WWC1: variants seen among roughly 807,000 people sequenced by gnomAD.
The protein encoded by WWC1 is protein KIBRA.
Under a neutral mutation model 138.4 loss-of-function variants are expected in WWC1, and 55 were observed. The ratio of observed to expected loss-of-function variants is 0.40; its 90% CI spans 0.32 to 0.50. WWC1 has a LOEUF of 0.50. Ranked by LOEUF, WWC1 falls within the 20% of genes least tolerant of loss-of-function variation. The pLI, the probability that WWC1 is intolerant of heterozygous loss-of-function variation, is 0.72. For synonymous variants in WWC1, 524 were observed against 564.9 expected, an observed-to-expected ratio of 0.93 and a Z score of 1.03; for missense variants, 1,226 against 1,420.4, an observed-to-expected ratio of 0.86 and a Z score of 2.20.
At chr5:168,417,467 G>T (rs1185456769) in intron 9 of WWC1, among the ~76,000 whole-genome samples, 1 of 152,012 alleles carries the variant, frequency 6.6e-6, no homozygotes, top group Non-Finnish European at 1.5e-5. Context: ...AACCTCCCAG[G>T]ATCCCTGAGG....
chr5:168,414,167 C>A, intron 8 of WWC1, 181 bp from the exon 9 acceptor site: 1 of 817,448 alleles, frequency 1.2e-6, no homozygotes, highest in Non-Finnish European at 1.8e-6. Flanking sequence ...TCATTGTTGG[C>A]ACATGGTAGG....
At chr5:168,445,183 G>C (rs988255439) in intron 17 of WWC1, among the ~76,000 whole-genome samples, 1 of 151,440 alleles carries the variant, frequency 6.6e-6, no homozygotes, top group Non-Finnish European at 1.5e-5. Context: ...GCATGGTGGG[G>C]CACGCCTGTA....
intron 20 of WWC1, among the ~76,000 whole-genome samples, chr5:168,464,120 G>C (rs1757042141): frequency 6.6e-6 from 1 of 152,148 alleles, no homozygotes; most frequent in Non-Finnish European, 1.5e-5. Context: ...TGCAGAGGAG[G>C]AGGTCTCCAA....
At chr5:168,318,395 A>G (rs1356500294) in intron 1 of WWC1, among the ~76,000 whole-genome samples, 2 of 152,138 alleles carry the variant, frequency 1.3e-5, no homozygotes, top group East Asian at 1.9e-4. Flanking sequence ...GGTGTTAACT[A>G]CATTCATATT....
intron 17 of WWC1, among the ~76,000 whole-genome samples, chr5:168,445,313 GAAA>G (rs1262926991): frequency 1.3e-5 from 2 of 151,430 alleles, no homozygotes; most frequent in Non-Finnish European, 2.9e-5. Flanking sequence ...AAAAACAAAA[GAAA>G]GAAGAAGAAT....
Position 168,371,542 on chromosome 5 carries a change from C to G in WWC1, c.229+9C>G. The stretch of plus-strand genomic sequence containing the variant: ...CATAGACCACAACACCAGTAAGTTC[C>G]CGACGGTCCTCCCTTCCCTGTGCCC... On this transcript the variant is annotated intron_variant, in intron 2 of 22. Coordinates refer to ENST00000265293, the MANE Select transcript of WWC1 (RefSeq NM_015238.3). The G allele has an allele frequency of 6.2e-7, 1 of 1,603,928 alleles. No homozygotes were observed. The highest frequency in any genetic ancestry group is 8.5e-7 in the Non-Finnish European group (1 of 1,171,136).
chr5:168,375,939 G>A (rs527888746), intron 2 of WWC1, among the ~76,000 whole-genome samples: 3 of 145,104 alleles, frequency 2.1e-5, no homozygotes, highest in South Asian at 4.4e-4. Context: ...CAGTATCCCC[G>A]ATTATCTACA....
Position 168,468,987 on chromosome 5 carries a change from T to C in WWC1, c.3312T>C (p.Asn1104=), listed in dbSNP as rs766459194. 6.2e-7 allele frequency: 1 copy of C among 1,614,262 alleles called. No homozygotes were observed. Among genetic ancestry groups the C allele is most frequent in the Non-Finnish European group, 8.5e-7 (1 of 1,180,048 alleles). ...KMAFFTRPRM[N]IPALSADDV is the part of the protein sequence containing the mutation. The stretch of plus-strand genomic sequence containing the variant: ...CATTTTTCACCCGGCCTCGGATGAA[T>C]ATCCCAGCTCTCTCTGCAGATGACG... The change falls in exon 23 of 23, where the codon AAT becomes AAC. Residue 1104 remains asparagine (N), a synonymous_variant. Transcript: ENST00000265293.
At position 168,351,710 on chromosome 5, in the gene WWC1, G is replaced by A. The variant is rs183870852; in HGVS notation, c.120-19714G>A. Among the ~76,000 whole-genome samples the A allele has an allele frequency of 5.9e-3, 906 of 152,288 alleles. 6 individuals are homozygous for A. Among genetic ancestry groups the A allele is most frequent in the Non-Finnish European group, 7.4e-3 (500 of 68,018 alleles). On this transcript the variant is annotated intron_variant, in intron 1 of 22. Transcript: ENST00000265293. ...AGGGATTGGGCAGCCCAGGCAAAGA[G>A]GAAACGAGAAAGACCAGGGAGGTTG...
At chr5:168,318,121 G>GT (rs1260804913) in intron 1 of WWC1, among the ~76,000 whole-genome samples, 1 of 151,672 alleles carries the variant, frequency 6.6e-6, no homozygotes, top group Non-Finnish European at 1.5e-5. Context: ...CACCTCTTTG[G>GT]CTTGGCCTGC....
intron 2 of WWC1, among the ~76,000 whole-genome samples, chr5:168,374,045 C>CAAAA (rs200314568): frequency 8.0e-5 from 8 of 99,624 alleles, no homozygotes; most frequent in Non-Finnish European, 4.3e-5. Context: ...GATTCTGTAC[C>CAAAA]AAAAAAAAAA....
intron 19 of WWC1, among the ~76,000 whole-genome samples, chr5:168,457,659 A>G (rs1461212111): frequency 6.6e-6 from 1 of 152,258 alleles, no homozygotes; most frequent in Non-Finnish European, 1.5e-5. Context: ...AGGCCAGACC[A>G]CAGCCAAAAT....
chr5:168,402,628 C>T (rs553998941), intron 5 of WWC1, among the ~76,000 whole-genome samples: 6 of 152,252 alleles, frequency 3.9e-5, no homozygotes, highest in African/African-American at 1.2e-4. Context: ...TCTTCACCCC[C>T]CTTTTAAGAG....
chr5:168,444,559 C>T lies in WWC1; in HGVS notation c.2499C>T (p.Ser833=), dbSNP rs1251497492. ...TGGAGAAGAGGCAGGAGGGCAGGAG[C>T]AGCACACAGACACTGGAAGACAGCT... The part of the protein sequence containing the change: ...VELEKRQEGR[S]STQTLEDSWR... The change falls in exon 17 of 23, where the codon AGC becomes AGT. Residue 833 remains serine, a synonymous_variant. Transcript: ENST00000265293. 1 of 1,612,022 alleles carries T rather than the reference C, an allele frequency of 6.2e-7. No homozygotes were observed. The highest frequency in any genetic ancestry group is 8.5e-7 in the Non-Finnish European group (1 of 1,179,342).
rs1248262625 is a variant in WWC1, at chr5:168,431,399, A to G, written c.2235A>G (p.Arg745=). The change falls in exon 15 of 23, where the codon AGA becomes AGG. Residue 745 remains arginine, a synonymous_variant. Coordinates refer to ENST00000265293, the MANE Select transcript of WWC1 (RefSeq NM_015238.3). The part of the protein sequence containing the change: ...SYPALHQKTL[R]VDVCTTDRSH... ...CAGCCCTTCACCAGAAGACCTTAAG[A>G]GTCGATGTCTGTACCACCGACAGGA... 6.2e-7 allele frequency: 1 copy of G among 1,613,812 alleles called. No homozygotes were observed. Among genetic ancestry groups the G allele is most frequent in the Non-Finnish European group, 8.5e-7 (1 of 1,179,998 alleles).
intron 3 of WWC1, among the ~76,000 whole-genome samples, chr5:168,393,338 T>C (rs80353012): frequency 0.013 from 1,998 of 152,102 alleles, 34 homozygotes; most frequent in African/African-American, 0.044. Flanking sequence ...CTTCAAACAC[T>C]GGGACAATTC....
At chr5:168,410,931 C>CT (rs1354123052) in intron 8 of WWC1, among the ~76,000 whole-genome samples, 25,118 of 114,196 alleles carry the variant, frequency 0.22, 3,289 homozygotes, top group African/African-American at 0.31. Flanking sequence ...ATGATCTTTG[C>CT]TTTTTTTTTT....
At chr5:168,321,756 C>CTTT (rs781325401) in intron 1 of WWC1, among the ~76,000 whole-genome samples, 1 of 152,310 alleles carries the variant, frequency 6.6e-6, no homozygotes, top group East Asian at 1.9e-4. Context: ...AAGCTGGTCT[C>CTTT]AAACTCCCGA....
Position 168,292,309 on chromosome 5 carries a change from C to G in WWC1, c.119+38C>G, listed in dbSNP as rs752842155. On this transcript the variant is annotated intron_variant, in intron 1 of 22. Coordinates refer to ENST00000265293, the MANE Select transcript of WWC1 (RefSeq NM_015238.3). This position sits in a 1 kb window ranked among gnomAD's most constrained non-coding sequence, Gnocchi z 4.4. Reference sequence around the variant, plus strand: ...AACCCTCCTCCGTGCCCCCACACCCCCGCCTGGGCCCCCACCTGCCCCTGG... The same window carrying G: ...AACCCTCCTCCGTGCCCCCACACCCGCGCCTGGGCCCCCACCTGCCCCTGG... The G allele has an allele frequency of 1.4e-5, 22 of 1,549,622 alleles. No homozygotes were observed. Among genetic ancestry groups the G allele is most frequent in the Non-Finnish European group, 1.7e-5 (19 of 1,147,560 alleles).
Sources: allele counts gnomAD v4.1 joint callset (sites outside exome capture counted in the v4.1 genomes callset), GRCh38; gene constraint gnomAD v4.1.1; non-coding constraint Gnocchi (gnomAD v3.1); transcripts MANE v1.5; gene names NCBI Gene and HGNC (gene_info 2026-07-23, HGNC 2026-07-21).